Variants in LYST observed in about 807,000 individuals in gnomAD.
The protein encoded by LYST is lysosomal trafficking regulator.
LYST carries 192 observed loss-of-function variants against 413.6 expected under a neutral mutation model. The ratio of observed to expected loss-of-function variants is 0.46; its 90% CI spans 0.41 to 0.52. The LOEUF is 0.52. Among genes scored for constraint, LYST ranks in the 20% least tolerant of loss-of-function variants. LYST has a pLI of 0.00. For synonymous variants in LYST, 1,525 were observed against 1,567.3 expected (o/e 0.97, Z 0.64); for missense variants, 3,815 against 4,499.9 (o/e 0.85, Z 4.35).
Position 235,759,121 on chromosome 1 carries a change from T to G in LYST, c.6732A>C (p.Ala2244=), listed in dbSNP as rs779970781. The G allele has an allele frequency of 2.5e-6, 4 of 1,614,192 alleles. No homozygotes were observed. In the South Asian group the frequency reaches 4.4e-5, roughly 18 times the overall value. The change falls in exon 23 of 53, where the codon GCA becomes GCC. Residue 2244 remains alanine (A), a synonymous_variant. Coordinates refer to ENST00000389793, the MANE Select transcript of LYST (RefSeq NM_000081.4). ...GTGAAGGAAAAGCTAGCCCAAGGCT[T>G]GCAATAGTGCTGTGGCTTCGCTGGA... ...ASFQRSHSTI[A]SLGLAFPSQN... is the part of the protein sequence containing the mutation.
At chr1:235,874,009 A>G (rs1000144494) in intron 1 of LYST, among the ~76,000 whole-genome samples, 2 of 152,234 alleles carry the variant, frequency 1.3e-5, no homozygotes, top group African/African-American at 4.8e-5. Flanking sequence ...GATGCATAGA[A>G]TAGAATAACA....
chr1:235,697,212 G>A lies in LYST; in HGVS notation c.10435C>T (p.Pro3479Ser), dbSNP rs529677403. 4.3e-6 allele frequency: 7 copies of A among 1,614,144 alleles called. No individual in the cohort carries two copies. In the Admixed American group the frequency reaches 1.0e-4, roughly 23 times the overall value. Reference sequence around the variant, plus strand: ...TGGCTGAAGCAGACCACAGGTACTGGAGCACTGGGGGAACCCACGTATTCC... The same window carrying A: ...TGGCTGAAGCAGACCACAGGTACTGAAGCACTGGGGGAACCCACGTATTCC... ...WGEYVGSPSA[P>S]VPVVCFSQPH... Residue 3479 changes from proline to serine, a missense_variant, in exon 46 of 53, where the codon CCA (proline) becomes TCA (serine). Transcript: ENST00000389793.
chr1:235,739,603 A>G (rs573257816), intron 31 of LYST, among the ~76,000 whole-genome samples: 9 of 130,962 alleles, frequency 6.9e-5, no homozygotes, highest in African/African-American at 2.9e-4. Context: ...TAAACCTTGA[A>G]CAGTGAAAAA....
At chr1:235,728,891 A>G (rs1371512235) in intron 37 of LYST, among the ~76,000 whole-genome samples, 1 of 152,130 alleles carries the variant, frequency 6.6e-6, no homozygotes, top group Non-Finnish European at 1.5e-5. Context: ...AGGTACATCA[A>G]ATCACTGGAG....
chr1:235,824,929 A>C (rs1214198894), intron 3 of LYST, among the ~76,000 whole-genome samples: 1 of 152,120 alleles, frequency 6.6e-6, no homozygotes, highest in African/African-American at 2.4e-5. Context: ...CTGAGGCAGA[A>C]GAATCACTTA....
chr1:235,747,953 C>T (rs868760605), intron 28 of LYST, among the ~76,000 whole-genome samples: 1 of 152,176 alleles, frequency 6.6e-6, no homozygotes, highest in African/African-American at 2.4e-5. Flanking sequence ...TGATCATTTT[C>T]CCCAGTACAA....
intron 1 of LYST, among the ~76,000 whole-genome samples, chr1:235,842,233 G>A (rs184095583): frequency 6.6e-6 from 1 of 151,922 alleles, no homozygotes; most frequent in African/African-American, 2.4e-5. Flanking sequence ...AAAGAGGCCA[G>A]GAAAATAAAT....
intron 3 of LYST, among the ~76,000 whole-genome samples, chr1:235,819,529 G>T (rs1415944184): frequency 6.6e-6 from 1 of 152,114 alleles, no homozygotes. Context: ...ATCCAAGTGG[G>T]AAGTTCCCAA....
chr1:235,818,984 G>C (rs989333541), intron 3 of LYST, among the ~76,000 whole-genome samples: 2 of 152,188 alleles, frequency 1.3e-5, no homozygotes, highest in Non-Finnish European at 2.9e-5. Flanking sequence ...CAAGATTGCT[G>C]TTCTCCCCCT....
At position 235,800,492 on chromosome 1, in the gene LYST, T is replaced by A. The variant is rs1183700395; in HGVS notation, c.3940-106A>T. The A allele has an allele frequency of 7.4e-6, 5 of 675,666 alleles. No individual in the cohort carries two copies. In the African/African-American group the frequency reaches 9.2e-5, roughly 12 times the overall value. The allele number at this position is 675,666 out of a possible 1,614,324, so 41.9% of individuals were successfully genotyped here. On this transcript the variant is annotated intron_variant, in intron 9 of 52. Coordinates refer to ENST00000389793, the MANE Select transcript of LYST (RefSeq NM_000081.4). ...TGATAGGGTATCTACTATATATGTA[T>A]ATATGTATTTAAAAATGACTAAAAA...
chr1:235,811,642 G>A (rs1458822077), intron 4 of LYST, among the ~76,000 whole-genome samples: 1 of 152,082 alleles, frequency 6.6e-6, no homozygotes, highest in Non-Finnish European at 1.5e-5. Context: ...GCAGTATGTA[G>A]TAAGAGCTAT....
chr1:235,827,616 A>C, intron 3 of LYST: 1 of 984,266 alleles, frequency 1.0e-6, no homozygotes, highest in Non-Finnish European at 1.2e-6. Context: ...TGAAAGAACT[A>C]AATGTTGATA....
intron 16 of LYST, among the ~76,000 whole-genome samples, chr1:235,780,345 G>A (rs977697868): frequency 1.6e-4 from 24 of 151,590 alleles, no homozygotes; most frequent in African/African-American, 5.1e-4. Flanking sequence ...TCAAGGCTGC[G>A]GTGAGCCATG....
At chr1:235,790,871 A>G (rs1343032068) in intron 12 of LYST, among the ~76,000 whole-genome samples, 1 of 152,206 alleles carries the variant, frequency 6.6e-6, no homozygotes, top group African/African-American at 2.4e-5. Context: ...ATTCTGTGAC[A>G]GGAACTAGGG....
intron 4 of LYST, 86 bp downstream of exon 4, chr1:235,812,885 T>A: frequency 1.2e-6 from 1 of 802,700 alleles, no homozygotes; most frequent in Non-Finnish European, 2.2e-6. Context: ...GTTCTGAATC[T>A]GAATCAGAAT....
chr1:235,755,678 A>G, intron 24 of LYST, 31 bp from the exon 25 acceptor site: 1 of 1,137,874 alleles, frequency 8.8e-7, no homozygotes, highest in African/African-American at 1.5e-5. Flanking sequence ...AATTTAGATA[A>G]TGCATTAAAA....
intron 10 of LYST, among the ~76,000 whole-genome samples, chr1:235,794,897 T>C (rs1226659807): frequency 2.0e-5 from 3 of 152,156 alleles, no homozygotes; most frequent in East Asian, 1.9e-4. Context: ...GAAATGGATA[T>C]ATACACTTGC....
At chr1:235,765,119 C>T (rs1401506792) in intron 21 of LYST, among the ~76,000 whole-genome samples, 5 of 152,178 alleles carry the variant, frequency 3.3e-5, no homozygotes, top group African/African-American at 9.7e-5. Flanking sequence ...ACCTACCCTT[C>T]CTTCTTCATG....
chr1:235,676,186 A>G (rs1659363873), intron 50 of LYST, among the ~76,000 whole-genome samples: 1 of 152,216 alleles, frequency 6.6e-6, no homozygotes, highest in African/African-American at 2.4e-5. Context: ...AAGGCAAACT[A>G]TACTTCCATT....
Sources: gnomAD v4.1 joint callset for allele counts (sites outside exome capture counted in the v4.1 genomes callset) on GRCh38, gnomAD v4.1.1 for gene constraint, MANE v1.5 for transcripts, NCBI Gene and HGNC (gene_info 2026-07-23, HGNC 2026-07-21) for gene names.